HGSNAT: variants seen among roughly 807,000 people sequenced by gnomAD.
The protein encoded by HGSNAT is transmembrane protein 76.
Under a neutral mutation model 85.2 loss-of-function variants are expected in HGSNAT, and 59 were observed. The ratio of observed to expected loss-of-function variants is 0.69; its 90% CI spans 0.56 to 0.86. The LOEUF (loss-of-function observed/expected upper bound fraction) is 0.86, where lower values mean the gene tolerates loss of function less well. HGSNAT is among the 40% of genes least tolerant of loss of function. The pLI is 0.00. For synonymous variants in HGSNAT, 321 were observed against 304.5 expected (o/e 1.05, Z -0.56); for missense variants, 756 against 777.1 (o/e 0.97, Z 0.32).
intron 14 of HGSNAT, chr8:43,194,199 A>G: frequency 1.4e-6 from 1 of 726,712 alleles, no homozygotes; most frequent in Non-Finnish European, 1.7e-6. Flanking sequence ...GGAGTTTGAG[A>G]CCAGCCTGGG....
intron 2 of HGSNAT, among the ~76,000 whole-genome samples, chr8:43,152,549 C>T (rs942749974): frequency 5.3e-5 from 8 of 152,048 alleles, no homozygotes; most frequent in African/African-American, 1.4e-4. Context: ...CTCCTGGGCT[C>T]AAGAAATCCT....
rs1461385635 is a variant in HGSNAT at position 43,140,583 on chromosome 8, G to A, written c.87G>A (p.Ser29=). 1 of 1,232,124 alleles carries A rather than the reference G, an allele frequency of 8.1e-7. No homozygotes were observed. The highest frequency in any genetic ancestry group is 1.0e-6 in the Non-Finnish European group (1 of 979,790). The allele number at this position is 1,232,124 out of a possible 1,614,324, so 76.3% of individuals were successfully genotyped here. ...CGCTGCTGGCCCCCGGCGGCTCTTC[G>A]GGGCGCGATGCCCAGGCCGCGCCGC... ...SAALLAPGGS[S]GRDAQAAPPR... is the part of the protein sequence containing the mutation. Residue 29 remains serine (S), a synonymous_variant, in exon 1 of 18, where the codon TCG becomes TCA. Coordinates refer to ENST00000379644, the MANE Select transcript of HGSNAT (RefSeq NM_152419.3).
intron 11 of HGSNAT, 22 bp from the exon 12 acceptor site, chr8:43,191,452 T>G: frequency 6.2e-7 from 1 of 1,607,824 alleles, no homozygotes; most frequent in South Asian, 1.1e-5. Context: ...CACCCGTGTT[T>G]TATTTTTCTG....
chr8:43,199,261 G>T (rs1804838214), intron 17 of HGSNAT, 127 bp from the exon 18 acceptor site: 1 of 623,444 alleles, frequency 1.6e-6, no homozygotes, highest in Non-Finnish European at 2.7e-6. Context: ...ACTTATTTTT[G>T]GCAGTAGCCA....
chr8:43,145,306 A>C (rs1453259903), intron 1 of HGSNAT, among the ~76,000 whole-genome samples: 1 of 152,184 alleles, frequency 6.6e-6, no homozygotes, highest in Non-Finnish European at 1.5e-5. Context: ...TGATGGCCAA[A>C]AAAAAGCATT....
intron 5 of HGSNAT, 77 bp downstream of exon 5, chr8:43,161,584 TC>T (rs1430449422): frequency 9.3e-7 from 1 of 1,071,292 alleles, no homozygotes; most frequent in African/African-American, 1.6e-5. Context: ...GCTGTCACCC[TC>T]AAGTGGCCAT....
Position 43,146,723 on chromosome 8 carries a change from CTGTGTGTGTGCACATGCATGCA to C in HGSNAT, c.119-214_119-193del, listed in dbSNP as rs1177893982. Among the ~76,000 whole-genome samples, 17 of 152,056 alleles carry C rather than the reference CTGTGTGTGTGCACATGCATGCA, an allele frequency of 1.1e-4. No individual in the cohort carries two copies. The East Asian group carries it at 2.1e-3, about 19-fold the overall frequency. The stretch of plus-strand genomic sequence containing the variant: ...TAGAGACATCTGTGCAAAAGGAGAC[CTGTGTGTGTGCACATGCATGCA>C]TGTGTGTGTGTGCACATGCATGCAT... On this transcript the variant is annotated intron_variant, in intron 1 of 17. Coordinates refer to ENST00000379644, the MANE Select transcript of HGSNAT (RefSeq NM_152419.3).
intron 5 of HGSNAT, among the ~76,000 whole-genome samples, chr8:43,166,671 A>G (rs1041776427): frequency 6.6e-6 from 1 of 152,228 alleles, no homozygotes; most frequent in African/African-American, 2.4e-5. Context: ...GTACAAGCAG[A>G]TGAATGTTGT....
intron 1 of HGSNAT, among the ~76,000 whole-genome samples, chr8:43,144,202 G>A (rs1455081122): frequency 6.6e-6 from 1 of 151,650 alleles, no homozygotes; most frequent in African/African-American, 2.4e-5. Context: ...GCATGCCCCT[G>A]TAGTCCCAGC....
intron 5 of HGSNAT, among the ~76,000 whole-genome samples, chr8:43,168,461 C>T (rs1178303309): frequency 9.9e-5 from 12 of 120,640 alleles, no homozygotes; most frequent in Admixed American, 6.0e-4. Flanking sequence ...GGCGTGATCT[C>T]GGCTCACTGC....
intron 10 of HGSNAT, among the ~76,000 whole-genome samples, chr8:43,179,239 G>T (rs1276668052): frequency 6.6e-6 from 1 of 151,626 alleles, no homozygotes; most frequent in Non-Finnish European, 1.5e-5. Flanking sequence ...CCGGGCGGGG[G>T]CTGACCCCCC....
intron 2 of HGSNAT, among the ~76,000 whole-genome samples, chr8:43,149,006 C>T (rs1802804982): frequency 6.6e-6 from 1 of 151,758 alleles, no homozygotes; most frequent in African/African-American, 2.4e-5. Context: ...ATCCCAGCTA[C>T]TTGGGAGGCT....
At chr8:43,170,148 AT>A (rs1440660370) in intron 6 of HGSNAT, among the ~76,000 whole-genome samples, 2 of 152,180 alleles carry the variant, frequency 1.3e-5, no homozygotes, top group Non-Finnish European at 2.9e-5. Flanking sequence ...TTTCTAAACT[AT>A]TTTTAGATTT....
At chr8:43,146,782 T>C (rs1185847639) in intron 1 of HGSNAT, among the ~76,000 whole-genome samples, 166 bp from the exon 2 acceptor site, 2 of 151,438 alleles carry the variant, frequency 1.3e-5, no homozygotes, top group African/African-American at 4.9e-5. Flanking sequence ...CACGCACATA[T>C]ATCTGCGCAT....
At chr8:43,143,844 C>A (rs1256543510) in intron 1 of HGSNAT, among the ~76,000 whole-genome samples, 1 of 151,652 alleles carries the variant, frequency 6.6e-6, no homozygotes, top group Non-Finnish European at 1.5e-5. Flanking sequence ...CCGTGCCTGG[C>A]CCACCAGGAG....
chr8:43,182,136 C>T lies in HGSNAT; in HGVS notation c.1013-9C>T. The T allele has an allele frequency of 1.9e-6, 3 of 1,608,458 alleles. No homozygotes were observed. Among genetic ancestry groups the T allele is most frequent in the East Asian group, 2.2e-5 (1 of 44,862 alleles). On this transcript the variant is annotated splice_polypyrimidine_tract_variant and intron_variant, in intron 10 of 17. Coordinates refer to ENST00000379644, the MANE Select transcript of HGSNAT (RefSeq NM_152419.3). ...GGCTAACACTTGACCTAACTTGTGT[C>T]TTTTGCAGTGTCTTGGGACAAGGTG... is the stretch of plus-strand genomic sequence containing the variant.
chr8:43,197,124 C>A, intron 15 of HGSNAT, 99 bp downstream of exon 15: 1 of 779,338 alleles, frequency 1.3e-6, no homozygotes, highest in South Asian at 1.5e-5. Context: ...GCCATTGTCA[C>A]CACATGGCAG....
In HGSNAT at chr8:43,191,546, G is replaced by A. The variant is rs1482196945; in HGVS notation, c.1201G>A (p.Gly401Ser). 6.2e-7 allele frequency: 1 copy of A among 1,614,016 alleles called. No homozygotes were observed. Among genetic ancestry groups the A allele is most frequent in the South Asian group, 1.1e-5 (1 of 91,088 alleles). ...GTGGCTGCTCATCCTGGTGCTGGAA[G>A]GCCTGTGGCTGGGCTTGACATTCCT... ...PQWLLILVLEGLWLGLTFLLP... is the reference protein window; with the variant it reads ...PQWLLILVLESLWLGLTFLLP... The change falls in exon 12 of 18, where the codon GGC (glycine) becomes AGC (serine). Residue 401 changes from glycine (G) to serine (S), a missense_variant. Coordinates refer to ENST00000379644, the MANE Select transcript of HGSNAT (RefSeq NM_152419.3).
intron 1 of HGSNAT, among the ~76,000 whole-genome samples, chr8:43,140,842 C>A (rs1563350015): frequency 6.6e-6 from 1 of 152,086 alleles, no homozygotes; most frequent in Non-Finnish European, 1.5e-5. Context: ...GCGGTTCGGA[C>A]CGCGGCGGAG....
Sources: gnomAD v4.1 joint callset for allele counts (sites outside exome capture counted in the v4.1 genomes callset) on GRCh38, gnomAD v4.1.1 for gene constraint, MANE v1.5 for transcripts, NCBI Gene and HGNC (gene_info 2026-07-23, HGNC 2026-07-21) for gene names.